ATG10: variants seen among roughly 807,000 people sequenced by gnomAD.
The protein encoded by ATG10 is autophagy related 10, also known as ubiquitin-like-conjugating enzyme ATG10.
A neutral mutation model predicts 32.1 loss-of-function variants in ATG10; 30 were observed. The ratio of observed to expected loss-of-function variants is 0.94; its 90% CI spans 0.70 to 1.27. ATG10 has a LOEUF of 1.27. Ranked by LOEUF, ATG10 falls within the 50% of genes most tolerant of loss-of-function variation. The pLI, the probability that ATG10 is intolerant of heterozygous loss-of-function variation, is 0.00. For missense variants in ATG10, 233 were observed against 262.3 expected (o/e 0.89, Z 0.77); for synonymous variants, 87 against 91.5 (o/e 0.95, Z 0.28).
chr5:82,215,799 A>G (rs543554903), intron 5 of ATG10, among the ~76,000 whole-genome samples: 2 of 152,084 alleles, frequency 1.3e-5, no homozygotes, highest in East Asian at 3.9e-4. Flanking sequence ...TTAGCTGGGC[A>G]TGGTGGCAGG....
At chr5:81,994,190 T>C (rs767980867) in intron 2 of ATG10, among the ~76,000 whole-genome samples, 2 of 152,218 alleles carry the variant, frequency 1.3e-5, no homozygotes, top group African/African-American at 2.4e-5. Flanking sequence ...TTTTTTTCTT[T>C]GTTTCAGTTT....
chr5:82,079,525 C>A (rs1764400352), intron 3 of ATG10, among the ~76,000 whole-genome samples: 1 of 152,090 alleles, frequency 6.6e-6, no homozygotes, highest in African/African-American at 2.4e-5. Flanking sequence ...AATCCCCCAC[C>A]CCACGACAGG....
chr5:82,089,391 G>A (rs1168235571), intron 3 of ATG10, among the ~76,000 whole-genome samples: 1 of 151,444 alleles, frequency 6.6e-6, no homozygotes, highest in South Asian at 2.1e-4. Context: ...GACACATACA[G>A]CAATGGGACA....
intron 3 of ATG10, among the ~76,000 whole-genome samples, chr5:82,132,769 T>C (rs1204208041): frequency 2.0e-5 from 3 of 152,146 alleles, no homozygotes; most frequent in Non-Finnish European, 4.4e-5. Context: ...ATGGGGTTGC[T>C]GGGTCAAATG....
At chr5:82,017,179 TA>T (rs1762312686) in intron 2 of ATG10, among the ~76,000 whole-genome samples, 1 of 151,834 alleles carries the variant, frequency 6.6e-6, no homozygotes, top group Non-Finnish European at 1.5e-5. Flanking sequence ...GCGGCTATTG[TA>T]AAAGGGGTTG....
At chr5:82,247,262 C>A (rs866252558) in intron 5 of ATG10, among the ~76,000 whole-genome samples, 14 of 152,126 alleles carry the variant, frequency 9.2e-5, no homozygotes, top group African/African-American at 3.1e-4. Context: ...TTTCAGATTG[C>A]GATTATCTGT....
intron 4 of ATG10, among the ~76,000 whole-genome samples, chr5:82,170,534 A>G (rs1244984990): frequency 6.6e-6 from 1 of 152,018 alleles, no homozygotes; most frequent in Non-Finnish European, 1.5e-5. Flanking sequence ...AGAGTAATAT[A>G]GTAGTAATAG....
chr5:82,199,225 G>C (rs528728370), intron 5 of ATG10, among the ~76,000 whole-genome samples: 1 of 152,288 alleles, frequency 6.6e-6, no homozygotes, highest in East Asian at 1.9e-4. Flanking sequence ...CATATTTACT[G>C]ATTTTTGGTC....
At chr5:82,179,137 A>G (rs1581775377) in intron 5 of ATG10, among the ~76,000 whole-genome samples, 2 of 152,276 alleles carry the variant, frequency 1.3e-5, no homozygotes, top group Admixed American at 1.3e-4. Context: ...AGTGAAAAAC[A>G]GAATGGTTGT....
intron 2 of ATG10, among the ~76,000 whole-genome samples, chr5:81,995,670 A>G (rs1164089288): frequency 6.6e-6 from 1 of 152,198 alleles, no homozygotes; most frequent in African/African-American, 2.4e-5. Flanking sequence ...TTATATAAAC[A>G]CTAAAGTACA....
chr5:82,127,100 T>G (rs978948595), intron 3 of ATG10, among the ~76,000 whole-genome samples: 7 of 152,252 alleles, frequency 4.6e-5, no homozygotes, highest in African/African-American at 1.7e-4. Context: ...TGATGGTAGT[T>G]TGTATTTCTG....
chr5:82,068,906 C>A (rs1764032286), intron 3 of ATG10, among the ~76,000 whole-genome samples: 1 of 150,102 alleles, frequency 6.7e-6, no homozygotes, highest in Non-Finnish European at 1.5e-5. Flanking sequence ...ACTTAGAACT[C>A]TTTTCTGCCC....
chr5:82,137,205 TC>T (rs1766795042), intron 3 of ATG10, among the ~76,000 whole-genome samples: 1 of 152,152 alleles, frequency 6.6e-6, no homozygotes, highest in African/African-American at 2.4e-5. Flanking sequence ...TTTGAGGCCT[TC>T]TTCTGTAAAT....
rs147208545 is a variant in ATG10 at position 82,186,563 on chromosome 5, C to CAT, written c.453+7978_453+7979dup. ...TATTAAATGTTGATGCTATGGGTAC[C>CAT]ATACATGGTCAGGGTACTTTCCATA... On this transcript the variant is annotated intron_variant, in intron 5 of 7. Transcript: ENST00000282185. Among the ~76,000 whole-genome samples, 1,127 of 150,764 alleles carry CAT rather than the reference C, an allele frequency of 7.5e-3. 13 individuals carry two copies. The highest frequency in any genetic ancestry group is 0.026 in the African/African-American group (1,052 of 41,076).
At chr5:82,140,086 CG>C (rs1767020610) in intron 3 of ATG10, among the ~76,000 whole-genome samples, 2 of 137,232 alleles carry the variant, frequency 1.5e-5, no homozygotes, top group African/African-American at 5.7e-5. Flanking sequence ...GCCCTCCACC[CG>C]GCCAGCCGCC....
chr5:82,249,086 C>A (rs1435919823), intron 5 of ATG10, among the ~76,000 whole-genome samples: 1 of 151,898 alleles, frequency 6.6e-6, no homozygotes, highest in Non-Finnish European at 1.5e-5. Context: ...TAGAACATAA[C>A]CTTAAATGCT....
At chr5:82,175,887 GCACA>G (rs146858605) in intron 4 of ATG10, among the ~76,000 whole-genome samples, 1,882 of 129,546 alleles carry the variant, frequency 0.015, 26 homozygotes, top group African/African-American at 0.046. Flanking sequence ...ACACACACAC[GCACA>G]CACACACACA....
At chr5:82,010,893 G>A (rs1028651561) in intron 2 of ATG10, among the ~76,000 whole-genome samples, 4 of 152,186 alleles carry the variant, frequency 2.6e-5, no homozygotes, top group African/African-American at 9.7e-5. Context: ...GTTCCTGTGA[G>A]TGTATAGGAC....
chr5:82,069,745 A>G (rs1027464192), intron 3 of ATG10, among the ~76,000 whole-genome samples: 14 of 152,162 alleles, frequency 9.2e-5, no homozygotes, highest in Admixed American at 2.0e-4. Context: ...TTTATTATCT[A>G]TTTTATTAAA....
Sources: allele counts gnomAD v4.1 joint callset (sites outside exome capture counted in the v4.1 genomes callset), GRCh38; gene constraint gnomAD v4.1.1; transcripts MANE v1.5; gene names NCBI Gene and HGNC (gene_info 2026-07-23, HGNC 2026-07-21).